Variants in RWDD4 observed in about 807,000 individuals in gnomAD.
The protein encoded by RWDD4 is RWD domain containing 4.
RWDD4 carries 16 observed loss-of-function variants against 30.0 expected under a neutral mutation model. That is an observed-to-expected ratio of 0.53 (90% CI 0.36 to 0.81). The LOEUF (loss-of-function observed/expected upper bound fraction) is 0.81, where lower values mean the gene tolerates loss of function less well. Among genes scored for constraint, RWDD4 ranks in the 30% least tolerant of loss-of-function variants. The pLI, the probability that RWDD4 is intolerant of heterozygous loss-of-function variation, is 0.00. For missense variants in RWDD4, 170 were observed against 223.9 expected (o/e 0.76, Z 1.54); for synonymous variants, 45 against 72.1 (o/e 0.62, Z 1.90).
Position 183,652,988 on chromosome 4 carries a change from T to A in RWDD4, c.106-1661A>T, listed in dbSNP as rs539242068. On this transcript the variant is annotated intron_variant, in intron 2 of 7. Coordinates refer to ENST00000326397, the MANE Select transcript of RWDD4 (RefSeq NM_152682.4). ...ATCTTCCTGCCTCAGCCTCCCAAAG[T>A]GCTGGGATTATAGATAGGCATGAGC... 5.9e-5 allele frequency among the ~76,000 whole-genome samples: 9 copies of A among 152,198 alleles called. No individual in the cohort carries two copies. In the East Asian group the frequency reaches 1.6e-3, roughly 26 times the overall value.
chr4:183,656,826 G>C (rs1734204212), intron 1 of RWDD4, among the ~76,000 whole-genome samples: 1 of 152,084 alleles, frequency 6.6e-6, no homozygotes, highest in Non-Finnish European at 1.5e-5. Flanking sequence ...AGGAGTTCGA[G>C]GTCAGCCTGG....
At chr4:183,654,990 G>C (rs1734157118) in intron 2 of RWDD4, among the ~76,000 whole-genome samples, 1 of 151,712 alleles carries the variant, frequency 6.6e-6, no homozygotes, top group Admixed American at 6.6e-5. Context: ...GCCCAGACTG[G>C]AGTGCAGTGG....
chr4:183,642,564 T>C (rs1181541616), intron 7 of RWDD4, among the ~76,000 whole-genome samples: 1 of 152,148 alleles, frequency 6.6e-6, no homozygotes, highest in African/African-American at 2.4e-5. Context: ...AAATCAGGTA[T>C]AATGGAAGAC....
intron 5 of RWDD4, among the ~76,000 whole-genome samples, chr4:183,647,952 G>A (rs2111236089): frequency 6.6e-6 from 1 of 152,198 alleles, no homozygotes. Flanking sequence ...ACATTTAAAA[G>A]GCCCTCACCA....
rs1345178427 is a variant in RWDD4 at position 183,641,229 on chromosome 4, C to G, written c.*207G>C. On this transcript the variant is annotated 3_prime_UTR_variant, in exon 8 of 8. Coordinates refer to ENST00000326397, the MANE Select transcript of RWDD4 (RefSeq NM_152682.4). ...AGTATACTAAACAGTAACATTTTCA[C>G]CTTTTATTAAGGCAAGTTTGTGAAA... 8.3e-6 allele frequency: 5 copies of G among 598,826 alleles called. No homozygotes were observed. In the South Asian group the frequency reaches 1.1e-4, roughly 13 times the overall value. The allele number at this position is 598,826 out of a possible 1,614,324, so 37.1% of individuals were successfully genotyped here.
chr4:183,644,266 G>A (rs1733924187), intron 7 of RWDD4, among the ~76,000 whole-genome samples: 1 of 152,196 alleles, frequency 6.6e-6, no homozygotes. Context: ...CATCAGTGGA[G>A]AAAGTCCTGG....
chr4:183,655,520 G>A (rs564303537), intron 2 of RWDD4, among the ~76,000 whole-genome samples: 12 of 152,166 alleles, frequency 7.9e-5, no homozygotes, highest in Middle Eastern at 3.4e-3. Context: ...TCCTGACCTC[G>A]TGATCCGCCC....
intron 2 of RWDD4, 70 bp downstream of exon 2, chr4:183,655,811 T>C (rs1734181738): frequency 1.2e-6 from 1 of 862,720 alleles, no homozygotes; most frequent in South Asian, 1.5e-5. Flanking sequence ...AAAAACAAAA[T>C]AAGCATTTTT....
chr4:183,645,137 C>A (rs1313990999), intron 7 of RWDD4, among the ~76,000 whole-genome samples: 1 of 152,022 alleles, frequency 6.6e-6, no homozygotes, highest in Non-Finnish European at 1.5e-5. Context: ...AAAACAACAA[C>A]CAAAAAGGTT....
intron 1 of RWDD4, 23 bp downstream of exon 1, chr4:183,658,906 G>A (rs1331648170): frequency 4.0e-6 from 5 of 1,255,544 alleles, no homozygotes; most frequent in Non-Finnish European, 5.0e-6. Flanking sequence ...CGCTGGGAGA[G>A]GGCCCTGAGC....
At chr4:183,645,756 T>C (rs536860538) in intron 7 of RWDD4, among the ~76,000 whole-genome samples, 1 of 152,276 alleles carries the variant, frequency 6.6e-6, no homozygotes, top group South Asian at 2.1e-4. Context: ...CAAGATCCTG[T>C]CTCAAAAACA....
rs1561007957 is a variant in RWDD4 at position 183,642,424 on chromosome 4, C to CG, written c.535-957dup. On this transcript the variant is annotated intron_variant, in intron 7 of 7. Transcript: ENST00000326397. ...CAGGATGGTCTCGATCTCCTGACCT[C>CG]GTGATCCGCCCGCCTCGGCCTCCCA... Among the ~76,000 whole-genome samples, 2 of 85,264 alleles carry CG rather than the reference C, an allele frequency of 2.3e-5. 1 individual carries two copies. The highest frequency in any genetic ancestry group is 7.2e-4 in the East Asian group (2 of 2,764). The allele number at this position is 85,264 out of a possible 152,430, so 55.9% of individuals were successfully genotyped here. A position where few individuals can be genotyped will look rare whatever the true frequency, so the allele number is the denominator to read the frequency against.
chr4:183,651,177 G>C lies in RWDD4; in HGVS notation c.215+41C>G, dbSNP rs377203440. On this transcript the variant is annotated intron_variant, in intron 3 of 7. Coordinates refer to ENST00000326397, the MANE Select transcript of RWDD4 (RefSeq NM_152682.4). ...ACCTTGCTGAGAGAAAAGTATAACA[G>C]AGAGTGAAATGAAAAGCAGTAAAAA... The C allele has an allele frequency of 1.6e-5, 26 of 1,603,374 alleles. No homozygotes were observed. In the African/African-American group the frequency reaches 3.6e-4, roughly 22 times the overall value.
intron 2 of RWDD4, 130 bp from the exon 3 acceptor site, chr4:183,651,457 C>T: frequency 1.4e-6 from 1 of 727,270 alleles, no homozygotes. Context: ...TTTGAAAAGT[C>T]CAGTGACACA....
At chr4:183,647,928 T>C (rs1272161827) in intron 5 of RWDD4, among the ~76,000 whole-genome samples, 1 of 152,150 alleles carries the variant, frequency 6.6e-6, no homozygotes, top group African/African-American at 2.4e-5. Context: ...TGCCATTCCA[T>C]TACAGAAGAA....
intron 1 of RWDD4, 47 bp from the exon 2 acceptor site, chr4:183,656,008 T>A: frequency 7.9e-7 from 1 of 1,270,870 alleles, no homozygotes; most frequent in Non-Finnish European, 1.1e-6. Context: ...ATAAATGAAT[T>A]AGAAATAGAG....
At chr4:183,657,040 CAA>C (rs1734208164) in intron 1 of RWDD4, among the ~76,000 whole-genome samples, 1 of 152,136 alleles carries the variant, frequency 6.6e-6, no homozygotes, top group African/African-American at 2.4e-5. Flanking sequence ...ATAGCAACAA[CAA>C]CAGCAAAAAG....
chr4:183,647,550 G>A (rs9997619), intron 5 of RWDD4, among the ~76,000 whole-genome samples: 2 of 151,900 alleles, frequency 1.3e-5, no homozygotes, highest in Admixed American at 6.6e-5. Context: ...TCACAAACTC[G>A]TATACTGTCA....
chr4:183,646,663 GAA>G (rs1214763898), intron 5 of RWDD4, 126 bp from the exon 6 acceptor site: 2 of 766,400 alleles, frequency 2.6e-6, no homozygotes, highest in African/African-American at 3.6e-5. Flanking sequence ...TACTAAGTTG[GAA>G]AAAGAGTTTA....
Sources: gnomAD v4.1 joint callset for allele counts (sites outside exome capture counted in the v4.1 genomes callset) on GRCh38, gnomAD v4.1.1 for gene constraint, MANE v1.5 for transcripts, NCBI Gene and HGNC (gene_info 2026-07-23, HGNC 2026-07-21) for gene names.